The following MBP variants were observed in gnomAD, a reference collection of about 807,000 sequenced individuals.
MBP encodes Golli-MBP.
In MBP, 16 loss-of-function variants were observed where a neutral mutation model predicts 35.8. The ratio of observed to expected loss-of-function variants is 0.45; its 90% CI spans 0.30 to 0.68. MBP has a LOEUF of 0.68. Among genes scored for constraint, MBP ranks in the 30% least tolerant of loss-of-function variants. The pLI is 0.08. For synonymous variants in MBP, 143 were observed against 159.6 expected (o/e 0.90, Z 0.78); for missense variants, 380 against 404.7 (o/e 0.94, Z 0.52).
At chr18:77,050,702 C>A (rs12959308) in intron 3 of MBP, among the ~76,000 whole-genome samples, 31,121 of 152,098 alleles carry the variant, frequency 0.2, 3,612 homozygotes, top group South Asian at 0.32. Context: ...CGTGCCATCA[C>A]GCCCAGCTAA....
chr18:76,994,783 G>C (rs1485430196), intron 4 of MBP, among the ~76,000 whole-genome samples: 1 of 152,206 alleles, frequency 6.6e-6, no homozygotes, highest in Non-Finnish European at 1.5e-5. Context: ...AGCAGCAACT[G>C]TTTGTTGAAT....
chr18:76,987,061 G>A, intron 7 of MBP: 2 of 985,460 alleles, frequency 2.0e-6, no homozygotes, highest in African/African-American at 1.7e-5. Context: ...GACATTAGTA[G>A]GACCCAAAAG....
At chr18:76,987,570 GTTGTTTTTCTTTTAA>G in intron 7 of MBP, 1 of 984,572 alleles carries the variant, frequency 1.0e-6, no homozygotes, top group Non-Finnish European at 1.2e-6. Flanking sequence ...CTTTCTCCTT[GTTGTTTTTCTTTTAA>G]AATGTATTCA....
Position 77,044,407 on chromosome 18 carries a change from C to T in MBP, c.139+21891G>A, listed in dbSNP as rs1973140052. Among the ~76,000 whole-genome samples, 1 of 152,156 alleles carries T rather than the reference C, an allele frequency of 6.6e-6. No individual in the cohort carries two copies. Among genetic ancestry groups the T allele is most frequent in the African/African-American group, 2.4e-5 (1 of 41,442 alleles). On this transcript the variant is annotated intron_variant, in intron 3 of 8. Transcript: ENST00000355994. The surrounding 1 kb of genome is among the most constrained non-coding windows in gnomAD (Gnocchi z 4.4). ...GCCCCCTGCCCCTCTCCTCCACCTC[C>T]ATAGATCAGGCTTCAGTGTCTGGGG...
chr18:77,069,670 A>C (rs958364154), intron 2 of MBP, among the ~76,000 whole-genome samples: 1 of 152,172 alleles, frequency 6.6e-6, no homozygotes, highest in Non-Finnish European at 1.5e-5. Flanking sequence ...GGCGGGGGAT[A>C]ACCTAGCGGC....
Position 76,988,965 on chromosome 18 carries a change from C to A in MBP, c.682-53G>T. On this transcript the variant is annotated intron_variant, in intron 5 of 8. Coordinates refer to ENST00000355994, the MANE Select transcript of MBP (RefSeq NM_001025101.2). This position sits in a 1 kb window ranked among gnomAD's most constrained non-coding sequence, Gnocchi z 5.2. ...GCACTGGGAGCCCTGTGCCGCCGTC[C>A]ATTTCCTAACGGGCTCCTGCCTGCT... is the stretch of plus-strand genomic sequence containing the variant. 6.4e-7 allele frequency: 1 copy of A among 1,573,154 alleles called. No individual in the cohort carries two copies.
chr18:77,048,391 A>C (rs1481519955), intron 3 of MBP, among the ~76,000 whole-genome samples: 3 of 152,134 alleles, frequency 2.0e-5, no homozygotes, highest in African/African-American at 7.2e-5. Flanking sequence ...AAAGCTCATC[A>C]CTCATAGACC....
At chr18:77,017,442 T>C (rs1370519440) in intron 3 of MBP, 174 bp from the exon 4 acceptor site, 2 of 451,946 alleles carry the variant, frequency 4.4e-6, no homozygotes, top group Non-Finnish European at 7.4e-6. Context: ...GCAGCCTTAT[T>C]GCAGCTCTGT....
At chr18:77,013,251 G>A (rs547646474) in intron 4 of MBP, 3 of 985,460 alleles carry the variant, frequency 3.0e-6, no homozygotes, top group Admixed American at 1.2e-4. Flanking sequence ...GGCTGGATCA[G>A]TTACCATGCA....
intron 2 of MBP, among the ~76,000 whole-genome samples, chr18:77,070,766 T>C (rs1974408199): frequency 1.3e-5 from 2 of 152,134 alleles, no homozygotes; most frequent in African/African-American, 4.8e-5. Flanking sequence ...CGCCACTGAA[T>C]TGTGGAAGCG....
rs922673160 is a variant in MBP at position 77,055,849 on chromosome 18, G to A, written c.139+10449C>T. On this transcript the variant is annotated intron_variant, in intron 3 of 8. Coordinates refer to ENST00000355994, the MANE Select transcript of MBP (RefSeq NM_001025101.2). ...CTTTCCAAACACAGCTGGTGACTTT[G>A]CAAACCCAGACATTCCCAGAAACTC... 2.6e-5 allele frequency among the ~76,000 whole-genome samples: 4 copies of A among 152,186 alleles called. No homozygotes were observed. In the South Asian group the frequency reaches 6.2e-4, roughly 24 times the overall value.
chr18:76,996,482 T>C (rs183140435), intron 4 of MBP, among the ~76,000 whole-genome samples: 1 of 152,302 alleles, frequency 6.6e-6, no homozygotes, highest in Admixed American at 6.5e-5. Context: ...TGAATGCTCT[T>C]GAGGGGCTGA....
intron 3 of MBP, among the ~76,000 whole-genome samples, chr18:77,056,157 A>G (rs1973711300): frequency 6.6e-6 from 1 of 152,190 alleles, no homozygotes; most frequent in Admixed American, 6.5e-5. Flanking sequence ...CTGGGTCTGC[A>G]GAGGCTTTGG....
intron 2 of MBP, among the ~76,000 whole-genome samples, chr18:77,072,890 C>G (rs1287784460): frequency 1.3e-5 from 2 of 152,238 alleles, no homozygotes; most frequent in Non-Finnish European, 2.9e-5. Flanking sequence ...TGGAGGAAAG[C>G]TCACTGCTTT....
intron 3 of MBP, among the ~76,000 whole-genome samples, chr18:77,055,746 G>A (rs1973694220): frequency 6.6e-6 from 1 of 152,056 alleles, no homozygotes; most frequent in Non-Finnish European, 1.5e-5. Flanking sequence ...CTGCAATCAG[G>A]AAGCCCTCAT....
chr18:77,021,610 A>C (rs915737062), intron 3 of MBP, among the ~76,000 whole-genome samples: 3 of 151,548 alleles, frequency 2.0e-5, no homozygotes, highest in African/African-American at 7.3e-5. Context: ...CAGCCTCCCA[A>C]GTAGCTGGGA....
intron 3 of MBP, among the ~76,000 whole-genome samples, chr18:77,054,264 C>T (rs947155723): frequency 6.6e-6 from 1 of 152,244 alleles, no homozygotes; most frequent in African/African-American, 2.4e-5. Context: ...GCCTGCAGAG[C>T]CCACCTGCGC....
chr18:77,115,959 G>C (rs1976647572), intron 1 of MBP, among the ~76,000 whole-genome samples: 1 of 149,346 alleles, frequency 6.7e-6, no homozygotes, highest in African/African-American at 2.5e-5. Flanking sequence ...GCTGTCTCCT[G>C]AGGGGCCCCA....
Position 77,015,368 on chromosome 18 carries a change from G to T in MBP, c.576+1464C>A, listed in dbSNP as rs932086574. On this transcript the variant is annotated intron_variant, in intron 4 of 8. Coordinates refer to ENST00000355994, the MANE Select transcript of MBP (RefSeq NM_001025101.2). ...CTTACATAATAGCAACGCTTTATTG[G>T]GCAACCCGAATCCATACATGTCTGG... 11 of 985,202 alleles carry T rather than the reference G, an allele frequency of 1.1e-5. No homozygotes were observed. The African/African-American group carries it at 1.9e-4, about 17-fold the overall frequency. The allele number at this position is 985,202 out of a possible 1,614,324, so 61.0% of individuals were successfully genotyped here.
Sources: allele counts gnomAD v4.1 joint callset (sites outside exome capture counted in the v4.1 genomes callset), GRCh38; gene constraint gnomAD v4.1.1; non-coding constraint Gnocchi (gnomAD v3.1); transcripts MANE v1.5; gene names NCBI Gene and HGNC (gene_info 2026-07-23, HGNC 2026-07-21).